ADAMTS13: variants seen among roughly 807,000 people sequenced by gnomAD.
The protein encoded by ADAMTS13 is A disintegrin and metalloproteinase with thrombospondin motifs 13.
A neutral mutation model predicts 155.1 loss-of-function variants in ADAMTS13; 110 were observed. The observed-to-expected ratio is 0.71, with a 90% confidence interval of 0.61 to 0.83. ADAMTS13 has a LOEUF of 0.83. Ranked by LOEUF, ADAMTS13 falls within the 40% of genes least tolerant of loss-of-function variation. ADAMTS13 has a pLI of 0.00. For missense variants in ADAMTS13, 1,707 were observed against 1,891.7 expected, an observed-to-expected ratio of 0.90 and a Z score of 1.81; for synonymous variants, 758 against 756.4, an observed-to-expected ratio of 1.00 and a Z score of -0.03.
chr9:133,456,279 C>T lies in ADAMTS13; in HGVS notation c.3547+64C>T. 1 of 1,608,552 alleles carries T rather than the reference C, an allele frequency of 6.2e-7. No individual in the cohort carries two copies. On this transcript the variant is annotated intron_variant, in intron 26 of 28. Coordinates refer to ENST00000355699, the MANE Select transcript of ADAMTS13 (RefSeq NM_139027.6). This position sits in a 1 kb window ranked among gnomAD's most constrained non-coding sequence, Gnocchi z 4.4. The stretch of plus-strand genomic sequence containing the variant: ...GGCCCTGCCAGGAGCCAGCACGACG[C>T]TGCATGCCCCATTCCTGGCAGGAGC...
chr9:133,418,253 CTG>C (rs1386514492), upstream of ADAMTS13, among the ~76,000 whole-genome samples: 2 of 152,228 alleles, frequency 1.3e-5, no homozygotes, highest in Admixed American at 6.5e-5. Flanking sequence ...TGGGGGGCCG[CTG>C]TGTGTGTAGC....
rs1554789691 is a variant in ADAMTS13, at chr9:133,438,299, G to A, written c.1638G>A (p.Gln546=). The A allele has an allele frequency of 1.2e-6, 2 of 1,614,162 alleles. No individual in the cohort carries two copies. The highest frequency in any genetic ancestry group is 1.7e-6 in the Non-Finnish European group (2 of 1,180,036). Residue 546 remains glutamine (Q), a synonymous_variant, in exon 14 of 29, where the codon CAG becomes CAA. Transcript: ENST00000355699. ...CCCAGCAGGTATGGGACAGGTGCCA[G>A]GTGTGTGGTGGGGACAACAGCACGT... ...MDSQQVWDRC[Q]VCGGDNSTCS...
chr9:133,430,218 C>CCAGGG, intron 8 of ADAMTS13, 117 bp downstream of exon 8: 1 of 1,389,462 alleles, frequency 7.2e-7, no homozygotes, highest in South Asian at 1.2e-5. Flanking sequence ...GGCTGAGGTA[C>CCAGGG]TAAGCCAGGG....
In ADAMTS13 at chr9:133,425,787, CCT is replaced by C; in HGVS notation, c.415-150_415-149del. ...TCTACCCAGCACTCAGCACAGGCTGCCTGACTACTTCTCTGAGCCTCAGTTGT... is the reference window on the plus strand; with the variant it reads ...TCTACCCAGCACTCAGCACAGGCTGCGACTACTTCTCTGAGCCTCAGTTGT... On this transcript the variant is annotated intron_variant, in intron 4 of 28. Transcript: ENST00000355699. The surrounding 1 kb of genome is among the most constrained non-coding windows in gnomAD (Gnocchi z 4.6). 6.9e-7 allele frequency: 1 copy of C among 1,452,836 alleles called. No individual in the cohort carries two copies. The highest frequency in any genetic ancestry group is 9.4e-7 in the Non-Finnish European group (1 of 1,068,226). 90.0% of individuals were successfully genotyped at this position (1,452,836 alleles called of 1,614,324 possible). A position where few individuals can be genotyped will look rare whatever the true frequency, so the allele number is the denominator to read the frequency against.
intron 1 of ADAMTS13, chr9:133,415,897 G>A (rs1839566431): frequency 6.6e-6 from 1 of 152,244 alleles, no homozygotes; most frequent in Non-Finnish European, 1.5e-5. Flanking sequence ...ACTGTGCAGA[G>A]TATTAGGAGG....
At position 133,422,492 on chromosome 9, in the gene ADAMTS13, G is replaced by A. The variant is rs1554783636; in HGVS notation, c.49G>A (p.Gly17Arg). The A allele has an allele frequency of 1.6e-5, 26 of 1,613,980 alleles. No individual in the cohort carries two copies. Among genetic ancestry groups the A allele is most frequent in the African/African-American group, 5.3e-5 (4 of 74,914 alleles). Reference protein sequence around the residue: ...RARCPPLCVAGILACGFLLGC... With the variant: ...RARCPPLCVARILACGFLLGC... ...AAGATGCCCTCCCCTCTGTGTGGCC[G>A]GAATCCTTGCCTGTGGCTTTCTCCT... The change falls in exon 1 of 29, where the codon GGA becomes AGA. Residue 17 changes from glycine (G) to arginine (R), a missense_variant. Transcript: ENST00000355699.
intron 11 of ADAMTS13, among the ~76,000 whole-genome samples, chr9:133,434,930 G>GTCCTT (rs1841063699): frequency 1.1e-4 from 16 of 152,186 alleles, no homozygotes; most frequent in Non-Finnish European, 2.2e-4. Flanking sequence ...ACGTCCCCAA[G>GTCCTT]GCTCACCTGT....
chr9:133,433,296 G>T, intron 9 of ADAMTS13, 82 bp from the exon 10 acceptor site: 1 of 1,585,350 alleles, frequency 6.3e-7, no homozygotes. Flanking sequence ...CCCTGAGGAT[G>T]TTGGGGGACT....
rs373402713 is a variant in ADAMTS13 at position 133,441,343 on chromosome 9, AT to A, written c.1968+819del. 6.6e-6 allele frequency among the ~76,000 whole-genome samples: 1 copy of A among 152,130 alleles called. No homozygotes were observed. The highest frequency in any genetic ancestry group is 2.4e-5 in the African/African-American group (1 of 41,428). ...GGCTTATCCCTTCTCTTCCCCTGAT[AT>A]GGTTCCCTTCCTCCCCTCCCCTTGC... On this transcript the variant is annotated intron_variant, in intron 16 of 28. Coordinates refer to ENST00000355699, the MANE Select transcript of ADAMTS13 (RefSeq NM_139027.6). The surrounding 1 kb of genome is among the most constrained non-coding windows in gnomAD (Gnocchi z 5.0).
intron 28 of ADAMTS13, among the ~76,000 whole-genome samples, chr9:133,458,555 C>CAAAAAAAAAAAAAAAAA (rs10699153): frequency 1.8e-5 from 1 of 56,228 alleles, no homozygotes; most frequent in Non-Finnish European, 3.0e-5. Context: ...GACTCTGTCT[C>CAAAAAAAAAAAAAAAAA]AAAAAAAAAA....
At chr9:133,436,718 A>T (rs1354562159) in intron 11 of ADAMTS13, 111 bp from the exon 12 acceptor site, 2 of 1,150,978 alleles carry the variant, frequency 1.7e-6, no homozygotes, top group East Asian at 5.2e-5. Context: ...CCTGGAGCTG[A>T]GGCCACACCC....
intron 19 of ADAMTS13, among the ~76,000 whole-genome samples, chr9:133,444,363 TTTA>T (rs1841912734): frequency 6.6e-6 from 1 of 152,054 alleles, no homozygotes; most frequent in Admixed American, 6.5e-5. Context: ...CTTTTTTTTT[TTTA>T]TTAAAAGACA....
At chr9:133,419,921 T>G (rs1839883231), upstream of ADAMTS13, among the ~76,000 whole-genome samples, 1 of 151,128 alleles carries the variant, frequency 6.6e-6, no homozygotes, top group South Asian at 2.1e-4. Flanking sequence ...TTTTTTTTTT[T>G]GAGACGAAGT....
In ADAMTS13 at chr9:133,442,297, A is replaced by G. The variant is rs1000524015; in HGVS notation, c.1969-102A>G. 1.6e-5 allele frequency: 25 copies of G among 1,565,430 alleles called. No individual in the cohort carries two copies. The East Asian group carries it at 5.2e-4, about 32-fold the overall frequency. On this transcript the variant is annotated intron_variant, in intron 16 of 28. Transcript: ENST00000355699. ...GTGATTGCTTGCTGAACGAAAGATT[A>G]TAGGGATGCAAGAAGAAGTTGGAAG... is the stretch of plus-strand genomic sequence containing the variant.
In ADAMTS13 at chr9:133,455,279, T is replaced by C. The variant is rs1842670003; in HGVS notation, c.3250-6T>C. On this transcript the variant is annotated splice_region_variant and splice_polypyrimidine_tract_variant and intron_variant, in intron 24 of 28. Coordinates refer to ENST00000355699, the MANE Select transcript of ADAMTS13 (RefSeq NM_139027.6). ...AGCTGTGACTCCTCCTCCCCTCTCT[T>C]GGCAGTGCTCTGTTTCCTGTGGGGA... The C allele has an allele frequency of 6.2e-7, 1 of 1,601,138 alleles. No individual in the cohort carries two copies. The highest frequency in any genetic ancestry group is 8.5e-7 in the Non-Finnish European group (1 of 1,179,920).
intron 23 of ADAMTS13, among the ~76,000 whole-genome samples, chr9:133,453,165 G>A (rs1554794758): frequency 6.6e-6 from 1 of 152,136 alleles, no homozygotes; most frequent in South Asian, 2.1e-4. Context: ...GGCTGTGCGC[G>A]GTGGCTTATG....
At chr9:133,446,108 C>T (rs984046425) in intron 21 of ADAMTS13, among the ~76,000 whole-genome samples, 9 of 152,146 alleles carry the variant, frequency 5.9e-5, no homozygotes, top group East Asian at 1.9e-4. Context: ...ATTGATGACC[C>T]GAGCAGAGAA....
rs1841946568 is a variant in ADAMTS13 at position 133,444,864 on chromosome 9, T to C, written c.2422T>C (p.Trp808Arg). The C allele has an allele frequency of 6.2e-7, 1 of 1,612,518 alleles. No homozygotes were observed. The highest frequency in any genetic ancestry group is 8.5e-7 in the Non-Finnish European group (1 of 1,179,964). The change falls in exon 20 of 29, where the codon TGG becomes CGG. Residue 808 changes from tryptophan to arginine, a missense_variant and splice_region_variant. Physicochemically the swap from Trp to Arg is moderately radical, Grantham distance 101. Coordinates refer to ENST00000355699, the MANE Select transcript of ADAMTS13 (RefSeq NM_139027.6). ...TCNPQPCPAR[W>R]EVSEPSSCTS... Reference sequence around the variant, plus strand: ...ATGACTGTCTCATGCCATCCTCAGGTGGGAGGTGTCAGAGCCCAGCTCATG... The same window carrying C: ...ATGACTGTCTCATGCCATCCTCAGGCGGGAGGTGTCAGAGCCCAGCTCATG...
chr9:133,429,744 G>A (rs782262724), intron 7 of ADAMTS13, 195 bp from the exon 8 acceptor site: 4 of 783,512 alleles, frequency 5.1e-6, no homozygotes, highest in Non-Finnish European at 8.7e-6. Flanking sequence ...ACCCACCTCT[G>A]CGCCGGCAGG....
Sources: gnomAD v4.1 joint callset for allele counts (sites outside exome capture counted in the v4.1 genomes callset) on GRCh38, gnomAD v4.1.1 for gene constraint, Gnocchi (gnomAD v3.1) non-coding constraint, MANE v1.5 for transcripts, NCBI Gene and HGNC (gene_info 2026-07-23, HGNC 2026-07-21) for gene names.